The following COX10 variants were observed in gnomAD, a reference collection of about 807,000 sequenced individuals.
COX10 encodes the protein protoheme IX farnesyltransferase, mitochondrial.
A neutral mutation model predicts 37.3 loss-of-function variants in COX10; 27 were observed. That is an observed-to-expected ratio of 0.72 (90% CI 0.53 to 1.00). COX10 has a LOEUF of 1.00. COX10 is among the 50% of genes least tolerant of loss of function. The pLI is 0.00. For missense variants in COX10, 475 were observed against 563.2 expected (o/e 0.84, Z 1.59); for synonymous variants, 222 against 229.1 (o/e 0.97, Z 0.28).
intron 1 of COX10, among the ~76,000 whole-genome samples, chr17:14,073,615 A>T (rs1915078964): frequency 6.6e-6 from 1 of 152,220 alleles, no homozygotes; most frequent in African/African-American, 2.4e-5. Context: ...TTAAGGTGGC[A>T]TACATAGCAA....
chr17:14,130,448 T>G (rs1412732061), intron 4 of COX10, among the ~76,000 whole-genome samples: 1 of 152,118 alleles, frequency 6.6e-6, no homozygotes, highest in African/African-American at 2.4e-5. Context: ...AATAATGTAT[T>G]GCTTAAGGTC....
At chr17:14,205,423 C>T (rs531596054) in intron 6 of COX10, among the ~76,000 whole-genome samples, 111 of 152,310 alleles carry the variant, frequency 7.3e-4, no homozygotes, top group African/African-American at 2.6e-3. Flanking sequence ...TTCCTCACTG[C>T]ATTTGGAGTG....
At chr17:14,137,952 T>C (rs1294882532) in intron 4 of COX10, among the ~76,000 whole-genome samples, 2 of 21,692 alleles carry the variant, frequency 9.2e-5, no homozygotes, top group African/African-American at 2.0e-4. Context: ...ACAATTCAGT[T>C]TTTTTTTTTT....
intron 4 of COX10, among the ~76,000 whole-genome samples, chr17:14,139,739 G>T (rs1420862125): frequency 1.3e-5 from 2 of 152,128 alleles, no homozygotes; most frequent in Non-Finnish European, 2.9e-5. Flanking sequence ...GTTGACTCCA[G>T]TATTTAGTAT....
chr17:14,119,092 T>G (rs1256160107), intron 4 of COX10, among the ~76,000 whole-genome samples: 2 of 152,190 alleles, frequency 1.3e-5, no homozygotes, highest in African/African-American at 2.4e-5. Flanking sequence ...CCTCTGTTTA[T>G]TCATCATTGA....
At chr17:14,182,499 C>T (rs1905898892) in intron 5 of COX10, among the ~76,000 whole-genome samples, 1 of 152,084 alleles carries the variant, frequency 6.6e-6, no homozygotes, top group Non-Finnish European at 1.5e-5. Context: ...GTCTGCCACT[C>T]TATAATATCT....
intron 3 of COX10, among the ~76,000 whole-genome samples, chr17:14,084,835 T>G (rs1915373987): frequency 6.6e-6 from 1 of 152,172 alleles, no homozygotes; most frequent in African/African-American, 2.4e-5. Flanking sequence ...AATTTTTGTA[T>G]TTTTAGTAGA....
chr17:14,206,062 G>A (rs1427008542), intron 6 of COX10, among the ~76,000 whole-genome samples: 1 of 152,102 alleles, frequency 6.6e-6, no homozygotes, highest in Non-Finnish European at 1.5e-5. Flanking sequence ...GACACCTCCC[G>A]CTTGTGCCAT....
intron 5 of COX10, among the ~76,000 whole-genome samples, chr17:14,164,046 T>C (rs58424281): frequency 1.6e-3 from 246 of 152,336 alleles, no homozygotes; most frequent in African/African-American, 5.7e-3. Flanking sequence ...GTATTAGCAT[T>C]GTGCGTGTAT....
At chr17:14,109,937 A>AT (rs764246412) in intron 4 of COX10, among the ~76,000 whole-genome samples, 2 of 152,098 alleles carry the variant, frequency 1.3e-5, no homozygotes, top group Non-Finnish European at 2.9e-5. Context: ...CATCTTTCAC[A>AT]TGTTCAGAGT....
At chr17:14,187,993 T>C (rs570525910) in intron 5 of COX10, among the ~76,000 whole-genome samples, 1 of 152,206 alleles carries the variant, frequency 6.6e-6, no homozygotes, top group South Asian at 2.1e-4. Context: ...CCTATCTCAA[T>C]AAATTAAATT....
intron 5 of COX10, among the ~76,000 whole-genome samples, chr17:14,160,990 G>A (rs532439575): frequency 1.8e-3 from 271 of 152,216 alleles, no homozygotes; most frequent in Non-Finnish European, 1.7e-3. Context: ...AGCTGCTCTC[G>A]CCACTGGTAA....
At chr17:14,183,283 T>C (rs937975450) in intron 5 of COX10, among the ~76,000 whole-genome samples, 6 of 151,980 alleles carry the variant, frequency 3.9e-5, no homozygotes, top group Non-Finnish European at 7.4e-5. Flanking sequence ...CGTGAGTGAA[T>C]GAATATAAAA....
intron 5 of COX10, among the ~76,000 whole-genome samples, chr17:14,162,458 G>T (rs1323613585): frequency 6.6e-6 from 1 of 152,082 alleles, no homozygotes; most frequent in African/African-American, 2.4e-5. Flanking sequence ...TGATATTGAG[G>T]TTTCTCTAGT....
chr17:14,186,517 T>G (rs551016540), intron 5 of COX10, among the ~76,000 whole-genome samples: 1 of 151,848 alleles, frequency 6.6e-6, no homozygotes, highest in East Asian at 1.9e-4. Context: ...CTAGGTTAGG[T>G]GCCCCTGACT....
At chr17:14,193,315 G>A (rs1274640026) in intron 6 of COX10, among the ~76,000 whole-genome samples, 1 of 152,124 alleles carries the variant, frequency 6.6e-6, no homozygotes, top group African/African-American at 2.4e-5. Context: ...CCCACATGGG[G>A]CTAATAATCT....
Position 14,083,370 on chromosome 17 carries a change from T to TA in COX10, c.499+6315dup, listed in dbSNP as rs545148724. 3.0e-4 allele frequency among the ~76,000 whole-genome samples: 46 copies of TA among 152,330 alleles called. No individual in the cohort carries two copies. The South Asian group carries it at 9.3e-3, about 31-fold the overall frequency. On this transcript the variant is annotated intron_variant, in intron 3 of 6. Coordinates refer to ENST00000261643, the MANE Select transcript of COX10 (RefSeq NM_001303.4). ...CAGCAGGATTTTTTATTTAAGAAAA[T>TA]ACCTGATATCTGTCCATTGATTTCT...
At chr17:14,106,258 C>T (rs758578370) in intron 4 of COX10, among the ~76,000 whole-genome samples, 1 of 152,128 alleles carries the variant, frequency 6.6e-6, no homozygotes, top group Non-Finnish European at 1.5e-5. Context: ...CTCAAGTAAT[C>T]CACCCGCCTC....
rs992018028 is a variant in COX10, at chr17:14,207,087, C to T, written c.1206C>T (p.Asp402=). The change falls in exon 7 of 7, where the codon GAC becomes GAT. Residue 402 remains aspartate, a synonymous_variant. Coordinates refer to ENST00000261643, the MANE Select transcript of COX10 (RefSeq NM_001303.4). ...ISYLGFRFYV[D]ADRRSSRRLF... ...ACCTCGGCTTCCGCTTCTACGTGGA[C>T]GCAGACCGCAGGAGCTCGCGGAGAC... The T allele has an allele frequency of 2.1e-5, 34 of 1,613,954 alleles. No individual in the cohort carries two copies. Among genetic ancestry groups the T allele is most frequent in the African/African-American group, 2.7e-5 (2 of 74,944 alleles).
Sources: allele counts gnomAD v4.1 joint callset (sites outside exome capture counted in the v4.1 genomes callset), GRCh38; gene constraint gnomAD v4.1.1; transcripts MANE v1.5; gene names NCBI Gene and HGNC (gene_info 2026-07-23, HGNC 2026-07-21).